The following MKLN1 variants were observed in gnomAD, a reference collection of about 807,000 sequenced individuals.
MKLN1 encodes the protein muskelin 1, also known as muskelin.
MKLN1 carries 18 observed loss-of-function variants against 99.0 expected under a neutral mutation model. The observed-to-expected ratio is 0.18, with a 90% confidence interval of 0.13 to 0.27. MKLN1 has a LOEUF of 0.27. MKLN1 is among the 10% of genes least tolerant of loss of function. The pLI is 1.00. For missense variants in MKLN1, 621 were observed against 875.9 expected (o/e 0.71, Z 3.67); for synonymous variants, 288 against 293.2 (o/e 0.98, Z 0.18).
At chr7:131,210,116 G>T (rs997667845) in intron 3 of MKLN1, among the ~76,000 whole-genome samples, 3 of 152,182 alleles carry the variant, frequency 2.0e-5, no homozygotes, top group African/African-American at 7.2e-5. Context: ...TTCTAACCAT[G>T]TTGGTTTGAG....
At chr7:131,233,515 A>C (rs181765641) in intron 3 of MKLN1, among the ~76,000 whole-genome samples, 23 of 152,038 alleles carry the variant, frequency 1.5e-4, no homozygotes, top group Non-Finnish European at 2.6e-4. Context: ...TGAGGCCCTT[A>C]AAGAAAACAT....
intron 3 of MKLN1, among the ~76,000 whole-genome samples, chr7:131,315,318 G>A (rs1408446805): frequency 6.6e-6 from 1 of 152,066 alleles, no homozygotes; most frequent in Non-Finnish European, 1.5e-5. Context: ...CAAGGAGCTG[G>A]GGGACCTCCC....
intron 12 of MKLN1, among the ~76,000 whole-genome samples, chr7:131,462,260 C>G (rs1301553743): frequency 6.6e-6 from 1 of 152,056 alleles, no homozygotes; most frequent in African/African-American, 2.4e-5. Context: ...GAGGTCATGG[C>G]CTCATATGAT....
At chr7:131,110,123 A>G (rs567422509), upstream of MKLN1, 154 of 244,402 alleles carry the variant, frequency 6.3e-4, no homozygotes, top group African/African-American at 3.5e-3. Flanking sequence ...GCGAAGGGCT[A>G]GAGGCAAACA....
chr7:131,147,737 C>G (rs1795835559), intron 2 of MKLN1, among the ~76,000 whole-genome samples: 1 of 152,186 alleles, frequency 6.6e-6, no homozygotes, highest in Admixed American at 6.5e-5. Context: ...AGACACTGAT[C>G]CACTGCACTA....
chr7:131,471,346 G>A (rs1200101505), intron 16 of MKLN1, among the ~76,000 whole-genome samples: 4 of 152,150 alleles, frequency 2.6e-5, no homozygotes, highest in Admixed American at 2.6e-4. Context: ...TGTTGCTTAG[G>A]GAGAAAATGA....
chr7:131,358,753 A>G (rs1336220967), intron 1 of MKLN1, among the ~76,000 whole-genome samples: 2 of 152,108 alleles, frequency 1.3e-5, no homozygotes, highest in Non-Finnish European at 2.9e-5. Context: ...GACTTTTGGT[A>G]GTTTGTATCT....
rs969991419 is a variant in MKLN1, at chr7:131,444,275, G to A, written c.1395+573G>A. Among the ~76,000 whole-genome samples the A allele has an allele frequency of 4.6e-5, 7 of 151,366 alleles. No homozygotes were observed. In the South Asian group the frequency reaches 8.4e-4, roughly 18 times the overall value. ...TGGGATTACAGGCATGCACCACCAC[G>A]CCCGGCTAATTTTTTGTATTTAGTA... On this transcript the variant is annotated intron_variant, in intron 11 of 17. Coordinates refer to ENST00000352689, the MANE Select transcript of MKLN1 (RefSeq NM_013255.5).
At chr7:131,332,930 AT>A (rs879514619) in intron 1 of MKLN1, among the ~76,000 whole-genome samples, 180 of 144,980 alleles carry the variant, frequency 1.2e-3, no homozygotes, top group Non-Finnish European at 1.2e-3. Flanking sequence ...CGCCTGGCTA[AT>A]TTTTTTTTTT....
At chr7:131,337,367 T>C (rs976228032) in intron 1 of MKLN1, among the ~76,000 whole-genome samples, 3 of 152,180 alleles carry the variant, frequency 2.0e-5, no homozygotes, top group Non-Finnish European at 4.4e-5. Flanking sequence ...ATCCCCCATA[T>C]GTCTCCTGCT....
chr7:131,193,385 A>G (rs1796595090), intron 2 of MKLN1, among the ~76,000 whole-genome samples: 1 of 152,070 alleles, frequency 6.6e-6, no homozygotes, highest in African/African-American at 2.4e-5. Flanking sequence ...TTATTTTTTG[A>G]GACGGAGTCT....
intron 3 of MKLN1, among the ~76,000 whole-genome samples, chr7:131,254,264 G>C (rs572405867): frequency 2.0e-5 from 3 of 152,240 alleles, no homozygotes; most frequent in Admixed American, 6.5e-5. Flanking sequence ...AAATAAACTA[G>C]CCACATCACT....
intron 3 of MKLN1, among the ~76,000 whole-genome samples, chr7:131,296,956 C>T (rs569531778): frequency 2.0e-5 from 3 of 152,232 alleles, no homozygotes; most frequent in South Asian, 4.1e-4. Flanking sequence ...CCAGGCTGAT[C>T]TGGAACTCAT....
At chr7:131,409,602 AAAG>A (rs1794812518) in intron 6 of MKLN1, among the ~76,000 whole-genome samples, 1 of 152,172 alleles carries the variant, frequency 6.6e-6, no homozygotes, top group African/African-American at 2.4e-5. Flanking sequence ...ATTACCCAGA[AAAG>A]AAAGATTAGG....
intron 6 of MKLN1, among the ~76,000 whole-genome samples, chr7:131,408,597 T>C (rs1584709632): frequency 6.6e-6 from 1 of 152,314 alleles, no homozygotes; most frequent in East Asian, 1.9e-4. Context: ...GAAAGCTTCC[T>C]AAATCATGTT....
intron 1 of MKLN1, among the ~76,000 whole-genome samples, chr7:131,132,947 A>AAG (rs1554526877): frequency 1.4e-4 from 8 of 56,606 alleles, no homozygotes; most frequent in South Asian, 2.0e-3. Context: ...AAAAAAAAAA[A>AAG]AAAGAAAGAA....
intron 3 of MKLN1, among the ~76,000 whole-genome samples, chr7:131,304,966 C>T (rs1347469573): frequency 2.6e-5 from 4 of 152,170 alleles, no homozygotes; most frequent in Non-Finnish European, 5.9e-5. Context: ...AGGCAGGCCC[C>T]CTTTTTGCCC....
rs1038806640 is a variant in MKLN1, at chr7:131,469,608, G to A, written c.1929-1234G>A. ...ATATTTTGCTAGTCTTTGTCCCTGC[G>A]TGAAGTACAGAAACCCTGTCACCAA... On this transcript the variant is annotated intron_variant, in intron 15 of 17. Transcript: ENST00000352689. Among the ~76,000 whole-genome samples the A allele has an allele frequency of 2.6e-5, 4 of 152,150 alleles. No homozygotes were observed. The East Asian group carries it at 5.8e-4, about 22-fold the overall frequency.
chr7:131,307,924 C>A (rs1798492351), intron 3 of MKLN1, among the ~76,000 whole-genome samples: 1 of 152,110 alleles, frequency 6.6e-6, no homozygotes, highest in African/African-American at 2.4e-5. Flanking sequence ...GGGCCAGGGG[C>A]AGAATGATAT....
Sources: gnomAD v4.1 joint callset for allele counts (sites outside exome capture counted in the v4.1 genomes callset) on GRCh38, gnomAD v4.1.1 for gene constraint, MANE v1.5 for transcripts, NCBI Gene and HGNC (gene_info 2026-07-23, HGNC 2026-07-21) for gene names.